The following RIT2 variants were observed in gnomAD, a reference collection of about 807,000 sequenced individuals.
RIT2 encodes the protein Ras like without CAAX 2.
In RIT2, 24 loss-of-function variants were observed where a neutral mutation model predicts 23.7. The observed-to-expected ratio is 1.01, with a 90% CI of 0.73 to 1.43. The LOEUF (loss-of-function observed/expected upper bound fraction) is 1.43. Among genes scored for constraint, RIT2 ranks in the 40% most tolerant of loss-of-function variants. RIT2 has a pLI of 0.00. For missense variants in RIT2, 236 were observed against 266.9 expected, an observed-to-expected ratio of 0.88 and a Z score of 0.81; for synonymous variants, 107 against 91.1, an observed-to-expected ratio of 1.17 and a Z score of -0.99.
chr18:43,013,537 A>G (rs559153181), intron 2 of RIT2, among the ~76,000 whole-genome samples: 9 of 151,756 alleles, frequency 5.9e-5, no homozygotes, highest in Non-Finnish European at 1.2e-4. Flanking sequence ...TACAACAGAA[A>G]AACATGCCAT....
chr18:42,773,392 TG>T (rs1235224301), intron 4 of RIT2, among the ~76,000 whole-genome samples: 8 of 152,294 alleles, frequency 5.3e-5, no homozygotes, highest in African/African-American at 1.9e-4. Flanking sequence ...TATAAACTGA[TG>T]AAAAAAACAG....
At chr18:42,757,526 A>G (rs1913191974) in intron 4 of RIT2, among the ~76,000 whole-genome samples, 1 of 152,184 alleles carries the variant, frequency 6.6e-6, no homozygotes, top group African/African-American at 2.4e-5. Flanking sequence ...AACAAAATAA[A>G]TTTTACAAAA....
At chr18:43,067,499 T>A (rs1283646777) in intron 1 of RIT2, among the ~76,000 whole-genome samples, 2 of 152,150 alleles carry the variant, frequency 1.3e-5, no homozygotes, top group African/African-American at 4.8e-5. Context: ...ACATGTAAGA[T>A]ATACATGGGT....
At position 42,851,285 on chromosome 18, in the gene RIT2, G is replaced by A. The variant is rs147408533; in HGVS notation, c.426+72287C>T. Among the ~76,000 whole-genome samples the A allele has an allele frequency of 4.9e-4, 75 of 152,270 alleles. No individual in the cohort carries two copies. The Middle Eastern group carries it at 0.017, about 35-fold the overall frequency. ...CATTTTAAATGTAACTTTTCACACA[G>A]AATCTTGTCTAATTTTGACAATAAG... On this transcript the variant is annotated intron_variant, in intron 4 of 4. Transcript: ENST00000326695.
At chr18:42,860,952 T>C (rs1907310284) in intron 4 of RIT2, among the ~76,000 whole-genome samples, 1 of 152,204 alleles carries the variant, frequency 6.6e-6, no homozygotes, top group South Asian at 2.1e-4. Flanking sequence ...GATGCATGCA[T>C]GTGTATGGGT....
chr18:42,974,120 A>G lies in RIT2; in HGVS notation c.188T>C (p.Ile63Thr), dbSNP rs1469467859. ...IEDAYKTQVR[I>T]DNEPAYLDIL... ...GTCCAAGTAAGCTGGCTCATTGTCA[A>G]TCCTGACCTGGGTCTTATAAGCATC... The change falls in exon 3 of 5, where the codon ATT becomes ACT. Residue 63 changes from isoleucine to threonine, a missense_variant. Physicochemically the swap from Ile to Thr is moderately conservative, Grantham distance 89. Coordinates refer to ENST00000326695, the MANE Select transcript of RIT2 (RefSeq NM_002930.4). 19 of 1,611,498 alleles carry G rather than the reference A, an allele frequency of 1.2e-5. No individual in the cohort carries two copies. The highest frequency in any genetic ancestry group is 2.7e-5 in the African/African-American group (2 of 74,784).
At chr18:43,109,459 G>A (rs1312318547) in intron 1 of RIT2, among the ~76,000 whole-genome samples, 1 of 152,078 alleles carries the variant, frequency 6.6e-6, no homozygotes, top group African/African-American at 2.4e-5. Context: ...TAAGCCTTCA[G>A]ATCCCTTTGT....
At chr18:42,997,044 C>T (rs9946897) in intron 2 of RIT2, among the ~76,000 whole-genome samples, 12,834 of 152,140 alleles carry the variant, frequency 0.084, 782 homozygotes, top group East Asian at 0.25. Flanking sequence ...TCTCCATTTA[C>T]CTTTTCACCA....
intron 2 of RIT2, among the ~76,000 whole-genome samples, chr18:43,000,730 G>T (rs1911085285): frequency 6.6e-6 from 1 of 151,954 alleles, no homozygotes; most frequent in African/African-American, 2.4e-5. Flanking sequence ...CCACCCCCCT[G>T]CAGCCATGTA....
At chr18:43,094,448 C>G (rs959546276) in intron 1 of RIT2, among the ~76,000 whole-genome samples, 8 of 151,800 alleles carry the variant, frequency 5.3e-5, no homozygotes, top group Non-Finnish European at 2.9e-5. Flanking sequence ...TTGTTAATTA[C>G]TTTGAATTCA....
At chr18:42,862,846 T>C (rs1907364597) in intron 4 of RIT2, among the ~76,000 whole-genome samples, 1 of 152,166 alleles carries the variant, frequency 6.6e-6, no homozygotes, top group Non-Finnish European at 1.5e-5. Context: ...TTTATATAAC[T>C]CTCCCAACAA....
At chr18:42,916,585 G>A (rs1568029528) in intron 4 of RIT2, among the ~76,000 whole-genome samples, 1 of 152,104 alleles carries the variant, frequency 6.6e-6, no homozygotes, top group Non-Finnish European at 1.5e-5. Flanking sequence ...CAATTCGTAT[G>A]CACTTGATTA....
chr18:42,788,174 G>A (rs371562442), intron 4 of RIT2, among the ~76,000 whole-genome samples: 352 of 152,070 alleles, frequency 2.3e-3, no homozygotes, highest in African/African-American at 7.6e-3. Flanking sequence ...TTCCAAATGC[G>A]TCTGGTTTAA....
intron 4 of RIT2, among the ~76,000 whole-genome samples, chr18:42,822,767 A>C (rs947624660): frequency 1.5e-4 from 23 of 152,190 alleles, no homozygotes; most frequent in Non-Finnish European, 2.5e-4. Context: ...AAAAATGCAT[A>C]AAGTACTATG....
chr18:42,748,425 A>C (rs961305067), intron 4 of RIT2, among the ~76,000 whole-genome samples: 2 of 152,066 alleles, frequency 1.3e-5, no homozygotes, highest in African/African-American at 2.4e-5. Context: ...ATTATCAAAA[A>C]AAAACAAACA....
intron 3 of RIT2, among the ~76,000 whole-genome samples, chr18:42,939,495 T>G (rs1370281642): frequency 2.0e-5 from 3 of 152,142 alleles, no homozygotes; most frequent in Non-Finnish European, 4.4e-5. Flanking sequence ...TTTGTTAGGC[T>G]GACAGAGCTA....
At chr18:42,877,462 C>A (rs1907771969) in intron 4 of RIT2, among the ~76,000 whole-genome samples, 1 of 150,316 alleles carries the variant, frequency 6.7e-6, no homozygotes, top group Non-Finnish European at 1.5e-5. Context: ...TAGATTCTCA[C>A]CATTCATGAG....
intron 4 of RIT2, among the ~76,000 whole-genome samples, chr18:42,843,989 T>A (rs949213813): frequency 6.6e-6 from 1 of 151,932 alleles, no homozygotes; most frequent in Non-Finnish European, 1.5e-5. Flanking sequence ...AGAGATAGAG[T>A]CTAATTGATA....
intron 2 of RIT2, among the ~76,000 whole-genome samples, chr18:42,976,519 C>A (rs946763795): frequency 1.3e-5 from 2 of 152,016 alleles, no homozygotes; most frequent in African/African-American, 4.8e-5. Flanking sequence ...AGGAAAATCA[C>A]CTGACCTCTC....
Sources: allele counts gnomAD v4.1 joint callset (sites outside exome capture counted in the v4.1 genomes callset), GRCh38; gene constraint gnomAD v4.1.1; transcripts MANE v1.5; gene names NCBI Gene and HGNC (gene_info 2026-07-23, HGNC 2026-07-21).